SEPTIN10: variants seen among roughly 807,000 people sequenced by gnomAD.
The protein encoded by SEPTIN10 is septin 10.
In SEPTIN10, 66 loss-of-function variants were observed where a neutral mutation model predicts 54.8. The observed-to-expected ratio is 1.21, with a 90% CI of 0.99 to 1.48. The LOEUF (loss-of-function observed/expected upper bound fraction) is 1.48, where lower values mean the gene tolerates loss of function less well. Ranked by LOEUF, SEPTIN10 falls within the 40% of genes most tolerant of loss-of-function variation. SEPTIN10 has a pLI of 0.00. For synonymous variants in SEPTIN10, 161 were observed against 181.0 expected (o/e 0.89, Z 0.89); for missense variants, 620 against 545.6 (o/e 1.14, Z -1.36).
At chr2:109,563,942 A>C (rs575374848) in intron 8 of SEPTIN10, among the ~76,000 whole-genome samples, 17 of 152,334 alleles carry the variant, frequency 1.1e-4, no homozygotes, top group African/African-American at 3.6e-4. Context: ...GCAACATAGT[A>C]AGACCCTGTC....
intron 9 of SEPTIN10, among the ~76,000 whole-genome samples, chr2:109,547,200 T>C (rs1681476948): frequency 6.6e-6 from 1 of 152,196 alleles, no homozygotes; most frequent in Non-Finnish European, 1.5e-5. Flanking sequence ...TTCCTCCAAG[T>C]TGCTGCCTCT....
intron 2 of SEPTIN10, among the ~76,000 whole-genome samples, chr2:109,589,413 T>C (rs1693424738): frequency 6.6e-6 from 1 of 152,026 alleles, no homozygotes; most frequent in Non-Finnish European, 1.5e-5. Context: ...ATGCCTGTAG[T>C]CCCAGCTACT....
intron 1 of SEPTIN10, among the ~76,000 whole-genome samples, chr2:109,606,232 T>C (rs78474012): frequency 0.025 from 3,790 of 152,118 alleles, 129 homozygotes; most frequent in African/African-American, 0.076. Context: ...CTGGCCAACA[T>C]GGTGAAACCC....
At chr2:109,577,305 T>C (rs553143354) in intron 4 of SEPTIN10, among the ~76,000 whole-genome samples, 2 of 152,206 alleles carry the variant, frequency 1.3e-5, no homozygotes, top group African/African-American at 2.4e-5. Context: ...AGTTAAAAAA[T>C]AGAGAACTCG....
intron 1 of SEPTIN10, among the ~76,000 whole-genome samples, chr2:109,611,643 C>T (rs1325916192): frequency 6.6e-6 from 1 of 151,544 alleles, no homozygotes; most frequent in Non-Finnish European, 1.5e-5. Context: ...ACCTATAGTC[C>T]TAGCTACTTG....
At chr2:109,545,760 C>G in intron 10 of SEPTIN10, 1 of 1,426,402 alleles carries the variant, frequency 7.0e-7, no homozygotes, top group Non-Finnish European at 9.1e-7. Context: ...TAAGAGCAGC[C>G]ATTTTCCCCC....
At chr2:109,569,692 T>G (rs1186706469) in intron 5 of SEPTIN10, among the ~76,000 whole-genome samples, 2 of 152,140 alleles carry the variant, frequency 1.3e-5, no homozygotes, top group African/African-American at 4.8e-5. Flanking sequence ...TATTATATAC[T>G]TAGGTATTCA....
rs532343881 is a variant in SEPTIN10, at chr2:109,590,422, T to TC, written c.99+2628dup. Among the ~76,000 whole-genome samples, 74 of 142,426 alleles carry TC rather than the reference T, an allele frequency of 5.2e-4. 1 individual carries two copies. The East Asian group carries it at 0.013, about 25-fold the overall frequency. 93.4% of individuals were successfully genotyped at this position (142,426 alleles called of 152,430 possible). A position where few individuals can be genotyped will look rare whatever the true frequency, so the allele number is the denominator to read the frequency against. On this transcript the variant is annotated intron_variant, in intron 2 of 10. Transcript: ENST00000397712. The stretch of plus-strand genomic sequence containing the variant: ...GTTGGGCCTGACCTAATGAGGTAAA[T>TC]CCTTTTTTTTTTTCCTTTTTTCTTT...
chr2:109,558,729 G>A (rs1328475724), intron 8 of SEPTIN10, among the ~76,000 whole-genome samples: 1 of 152,060 alleles, frequency 6.6e-6, no homozygotes, highest in African/African-American at 2.4e-5. Context: ...GCAACAAAGA[G>A]GGCCAGGAAG....
chr2:109,590,842 G>T (rs1693901334), intron 2 of SEPTIN10, among the ~76,000 whole-genome samples: 1 of 152,108 alleles, frequency 6.6e-6, no homozygotes, highest in South Asian at 2.1e-4. Context: ...GTGGTCTCTA[G>T]GAGCTGACAA....
At chr2:109,546,818 A>G (rs1374938758) in intron 9 of SEPTIN10, among the ~76,000 whole-genome samples, 4 of 152,228 alleles carry the variant, frequency 2.6e-5, no homozygotes, top group Non-Finnish European at 5.9e-5. Flanking sequence ...CTTTACATAT[A>G]AAAATACTCA....
chr2:109,575,219 AG>A lies in SEPTIN10; in HGVS notation c.414-453del, dbSNP rs1689408539. ...TTCCCACACTTGCCAGACTGCTCGAAGGGGCTGGCAGCAGTCTAATTTGTAA... is the reference window on the plus strand; with the variant it reads ...TTCCCACACTTGCCAGACTGCTCGAAGGGCTGGCAGCAGTCTAATTTGTAA... On this transcript the variant is annotated intron_variant, in intron 4 of 10. Coordinates refer to ENST00000397712, the MANE Select transcript of SEPTIN10 (RefSeq NM_144710.5). Among the ~76,000 whole-genome samples, 4 of 152,306 alleles carry A rather than the reference AG, an allele frequency of 2.6e-5. No homozygotes were observed. In the South Asian group the frequency reaches 8.3e-4, roughly 32 times the overall value.
At chr2:109,613,165 T>C (rs1699646021) in intron 1 of SEPTIN10, 1 of 1,288,754 alleles carries the variant, frequency 7.8e-7, no homozygotes, top group South Asian at 1.2e-5. Flanking sequence ...TTAACGAAAA[T>C]AGTTGTAACC....
At chr2:109,606,556 C>G (rs1019268335) in intron 1 of SEPTIN10, among the ~76,000 whole-genome samples, 2 of 151,340 alleles carry the variant, frequency 1.3e-5, no homozygotes, top group Non-Finnish European at 1.5e-5. Flanking sequence ...AAAAATATAT[C>G]TTGACTACTT....
intron 4 of SEPTIN10, among the ~76,000 whole-genome samples, chr2:109,576,326 T>C (rs28684648): frequency 2.0e-5 from 3 of 152,142 alleles, no homozygotes; most frequent in African/African-American, 7.2e-5. Flanking sequence ...CTTGAACTCC[T>C]GGCCTTAAGC....
chr2:109,591,935 T>G (rs1331481233), intron 2 of SEPTIN10, among the ~76,000 whole-genome samples: 1 of 151,978 alleles, frequency 6.6e-6, no homozygotes, highest in Non-Finnish European at 1.5e-5. Context: ...CTTACTGAAT[T>G]ACCTATGTTT....
At chr2:109,573,814 C>T (rs1194958946) in intron 5 of SEPTIN10, among the ~76,000 whole-genome samples, 7 of 152,022 alleles carry the variant, frequency 4.6e-5, no homozygotes, top group Non-Finnish European at 8.8e-5. Flanking sequence ...TCTATAGCTC[C>T]CTAAATTTAT....
In SEPTIN10 at chr2:109,585,156, C is replaced by G. The variant is rs1321651155; in HGVS notation, c.383G>C (p.Gly128Ala). 6.3e-7 allele frequency: 1 copy of G among 1,590,554 alleles called. No homozygotes were observed. The highest frequency in any genetic ancestry group is 8.5e-7 in the Non-Finnish European group (1 of 1,169,784). The change falls in exon 4 of 11, where the codon GGA (glycine) becomes GCA (alanine). Residue 128 changes from glycine (G) to alanine (A), a missense_variant. Gly to Ala is a moderately conservative substitution (Grantham distance 60). Coordinates refer to ENST00000397712, the MANE Select transcript of SEPTIN10 (RefSeq NM_144710.5). ...TTCTTTATTTATTTGGTCACCAAATCCCACTGTATTCACAATGGTCAATTT... is the reference window on the plus strand; with the variant it reads ...TTCTTTATTTATTTGGTCACCAAATGCCACTGTATTCACAATGGTCAATTT... ...QLKLTIVNTV[G>A]FGDQINKEES...
At position 109,584,448 on chromosome 2, in the gene SEPTIN10, C is replaced by A. The variant is rs537873346; in HGVS notation, c.413+678G>T. Among the ~76,000 whole-genome samples, 14 of 121,702 alleles carry A rather than the reference C, an allele frequency of 1.2e-4. No individual in the cohort carries two copies. In the South Asian group the frequency reaches 3.4e-3, roughly 30 times the overall value. 79.8% of individuals were successfully genotyped at this position (121,702 alleles called of 152,430 possible). Reference sequence around the variant, plus strand: ...CGAAATCATGCCACTGCACTCCAGACTGGGTGACAGAGCGAGACTCTGTCT... The same window carrying A: ...CGAAATCATGCCACTGCACTCCAGAATGGGTGACAGAGCGAGACTCTGTCT... On this transcript the variant is annotated intron_variant, in intron 4 of 10. Coordinates refer to ENST00000397712, the MANE Select transcript of SEPTIN10 (RefSeq NM_144710.5).
Sources: gnomAD v4.1 joint callset for allele counts (sites outside exome capture counted in the v4.1 genomes callset) on GRCh38, gnomAD v4.1.1 for gene constraint, MANE v1.5 for transcripts, NCBI Gene and HGNC (gene_info 2026-07-23, HGNC 2026-07-21) for gene names.